The following ERICH1 variants were observed in gnomAD, a reference collection of about 807,000 sequenced individuals.
ERICH1 encodes glutamate-rich protein 1.
Under a neutral mutation model 39.6 loss-of-function variants are expected in ERICH1, and 56 were observed. That is an observed-to-expected ratio of 1.41 (90% CI 1.14 to 1.77). The LOEUF (loss-of-function observed/expected upper bound fraction) is 1.77, where lower values mean the gene tolerates loss of function less well. Among genes scored for constraint, ERICH1 ranks in the 40% most tolerant of loss-of-function variants. The pLI, the probability that ERICH1 is intolerant of heterozygous loss-of-function variation, is 0.00. For missense variants in ERICH1, 826 were observed against 575.4 expected, an observed-to-expected ratio of 1.44 and a Z score of -4.45; for synonymous variants, 313 against 223.6, an observed-to-expected ratio of 1.40 and a Z score of -3.57.
chr8:634,188 A>C (rs1798249092), intron 3 of ERICH1, among the ~76,000 whole-genome samples: 1 of 143,894 alleles, frequency 6.9e-6, no homozygotes, highest in Non-Finnish European at 1.5e-5. Flanking sequence ...AAAAAAAAAC[A>C]AACAAAAAAA....
chr8:631,448 C>G (rs1798033907), intron 3 of ERICH1, among the ~76,000 whole-genome samples: 1 of 152,124 alleles, frequency 6.6e-6, no homozygotes, highest in African/African-American at 2.4e-5. Context: ...GGGATGTGCC[C>G]TGGGGTCTGT....
In ERICH1 at chr8:673,283, A is replaced by C. The variant is rs200495173; in HGVS notation, c.1063+6T>G. ...CTATGCAAGAGAAAAACAGTAAAAA[A>C]CATACCGTCATAAAAATACATTTCC... On this transcript the variant is annotated splice_donor_region_variant and intron_variant, in intron 4 of 5. Transcript: ENST00000262109. 1 of 1,593,944 alleles carries C rather than the reference A, an allele frequency of 6.3e-7. No individual in the cohort carries two copies. The highest frequency in any genetic ancestry group is 1.3e-5 in the African/African-American group (1 of 74,560).
chr8:668,275 C>T lies in ERICH1; in HGVS notation c.1258+323G>A, dbSNP rs1490025825. ...AGGTAAGCAAAAATTTACCATCTAC[C>T]ACAGCAGTAGAGGAGAAGGAAAAGA... On this transcript the variant is annotated intron_variant, in intron 5 of 5. Coordinates refer to ENST00000262109, the MANE Select transcript of ERICH1 (RefSeq NM_207332.3). 17 of 358,350 alleles carry T rather than the reference C, an allele frequency of 4.7e-5. No individual in the cohort carries two copies. In the East Asian group the frequency reaches 1.0e-3, roughly 21 times the overall value. The allele number at this position is 358,350 out of a possible 1,614,324, so 22.2% of individuals were successfully genotyped here. A position where few individuals can be genotyped will look rare whatever the true frequency, so the allele number is the denominator to read the frequency against.
intron 3 of ERICH1, among the ~76,000 whole-genome samples, chr8:691,342 C>G (rs1036620094): frequency 3.9e-5 from 6 of 152,246 alleles, no homozygotes; most frequent in African/African-American, 1.4e-4. Flanking sequence ...TGCTGTAGCT[C>G]AGTCCTGACA....
chr8:632,633 C>T (rs528593044), intron 3 of ERICH1, among the ~76,000 whole-genome samples: 1 of 152,284 alleles, frequency 6.6e-6, no homozygotes, highest in Admixed American at 6.5e-5. Context: ...AAGGGGCAGA[C>T]GTTATGAACA....
chr8:616,718 A>G, intron 3 of ERICH1: 1 of 404,388 alleles, frequency 2.5e-6, no homozygotes, highest in Non-Finnish European at 5.0e-6. Flanking sequence ...AGATAGAGAC[A>G]CTCAGAGAGA....
At chr8:665,045 C>G (rs1241948405) in intron 5 of ERICH1, among the ~76,000 whole-genome samples, 1 of 152,224 alleles carries the variant, frequency 6.6e-6, no homozygotes. Context: ...AGAAGTTTAT[C>G]TCAAGGGTGA....
intron 3 of ERICH1, among the ~76,000 whole-genome samples, chr8:675,185 T>C (rs771317350): frequency 0.018 from 384 of 21,012 alleles, 9 homozygotes; most frequent in Middle Eastern, 0.053. Context: ...CGGCCCCTCG[T>C]GAGGACAGAG....
intron 3 of ERICH1, among the ~76,000 whole-genome samples, chr8:622,693 C>T (rs866520671): frequency 6.6e-6 from 1 of 152,172 alleles, no homozygotes; most frequent in Non-Finnish European, 1.5e-5. Flanking sequence ...TGGCTCACAC[C>T]TGTAATCCCA....
At chr8:720,050 A>T (rs1299161923) in intron 1 of ERICH1, among the ~76,000 whole-genome samples, 1 of 152,214 alleles carries the variant, frequency 6.6e-6, no homozygotes, top group Admixed American at 6.5e-5. Context: ...AGAAAGCAGA[A>T]CGCGGCCCTA....
chr8:700,675 T>G (rs1170235710), intron 2 of ERICH1, among the ~76,000 whole-genome samples: 1 of 151,598 alleles, frequency 6.6e-6, no homozygotes, highest in African/African-American at 2.4e-5. Flanking sequence ...CAGTAAAATG[T>G]CCCACTGCCT....
At chr8:705,767 A>G (rs113515268) in intron 2 of ERICH1, among the ~76,000 whole-genome samples, 4 of 152,342 alleles carry the variant, frequency 2.6e-5, no homozygotes, top group African/African-American at 9.6e-5. Context: ...ACAAAGGAAA[A>G]AGTAAAACTA....
At chr8:624,135 C>G (rs764402238) in intron 3 of ERICH1, among the ~76,000 whole-genome samples, 1 of 152,104 alleles carries the variant, frequency 6.6e-6, no homozygotes, top group South Asian at 2.1e-4. Flanking sequence ...AATGAGCGCA[C>G]GCAAAGATGT....
chr8:651,065 T>C (rs1009488878), intron 3 of ERICH1, among the ~76,000 whole-genome samples: 3 of 152,360 alleles, frequency 2.0e-5, no homozygotes, highest in East Asian at 1.9e-4. Flanking sequence ...AGATGCGTTG[T>C]TGGGGAGCCA....
At chr8:670,277 T>C (rs1803000188) in intron 4 of ERICH1, among the ~76,000 whole-genome samples, 1 of 152,232 alleles carries the variant, frequency 6.6e-6, no homozygotes, top group Non-Finnish European at 1.5e-5. Context: ...TTTTTCCCCT[T>C]ATTTTAGGCT....
At chr8:686,929 T>C (rs944760362) in intron 3 of ERICH1, among the ~76,000 whole-genome samples, 3 of 127,756 alleles carry the variant, frequency 2.3e-5, no homozygotes, top group African/African-American at 8.6e-5. Context: ...GAGGGTGAGA[T>C]GCGAGGAATG....
At position 706,199 on chromosome 8, in the gene ERICH1, G is replaced by A. The variant is rs935750182; in HGVS notation, c.169+9662C>T. Among the ~76,000 whole-genome samples, 52 of 152,182 alleles carry A rather than the reference G, an allele frequency of 3.4e-4. 1 individual carries two copies. The highest frequency in any genetic ancestry group is 3.1e-3 in the Admixed American group (48 of 15,278). On this transcript the variant is annotated intron_variant, in intron 2 of 5. Coordinates refer to ENST00000262109, the MANE Select transcript of ERICH1 (RefSeq NM_207332.3). ...ATGGACTCCTTTGGAATGTATTACC[G>A]TTGTTAAGTGATGTGTGACTGTACA...
intron 3 of ERICH1, among the ~76,000 whole-genome samples, chr8:631,369 C>T (rs1174833617): frequency 6.6e-6 from 1 of 152,176 alleles, no homozygotes; most frequent in Non-Finnish European, 1.5e-5. Context: ...AGAGGGAAGA[C>T]AGGAGGCTAC....
chr8:693,227 C>T (rs1193881961), intron 2 of ERICH1, among the ~76,000 whole-genome samples: 1 of 151,970 alleles, frequency 6.6e-6, no homozygotes, highest in Non-Finnish European at 1.5e-5. Context: ...TACAGAGACA[C>T]ACAGAGAGAT....
Sources: gnomAD v4.1 joint callset for allele counts (sites outside exome capture counted in the v4.1 genomes callset) on GRCh38, gnomAD v4.1.1 for gene constraint, MANE v1.5 for transcripts, NCBI Gene and HGNC (gene_info 2026-07-23, HGNC 2026-07-21) for gene names.